HMCN2: variants seen among roughly 807,000 people sequenced by gnomAD.
The protein encoded by HMCN2 is hemicentin-2.
Under a neutral mutation model 377.5 loss-of-function variants are expected in HMCN2, and 325 were observed. The observed-to-expected ratio is 0.86, with a 90% CI of 0.79 to 0.94. HMCN2 has a LOEUF of 0.94. Ranked by LOEUF, HMCN2 falls within the 40% of genes least tolerant of loss-of-function variation. The pLI is 0.00. For synonymous variants in HMCN2, 2,007 were observed against 2,046.8 expected, an observed-to-expected ratio of 0.98 and a Z score of 0.53; for missense variants, 4,543 against 4,725.3, an observed-to-expected ratio of 0.96 and a Z score of 1.13.
intron 19 of HMCN2, among the ~76,000 whole-genome samples, chr9:130,324,510 A>C (rs1838024558): frequency 1.3e-5 from 2 of 152,120 alleles, no homozygotes; most frequent in African/African-American, 4.8e-5. Context: ...TTAGCACTGA[A>C]GACACGTCAT....
Position 130,391,031 on chromosome 9 carries a change from G to T in HMCN2, c.9578G>T (p.Arg3193Leu), listed in dbSNP as rs1301464973. 2 of 987,606 alleles carry T rather than the reference G, an allele frequency of 2.0e-6. No homozygotes were observed. Among genetic ancestry groups the T allele is most frequent in the Admixed American group, 6.1e-5 (1 of 16,270 alleles). 61.2% of individuals were successfully genotyped at this position (987,606 alleles called of 1,614,324 possible). The change falls in exon 63 of 98, where the codon CGC (arginine) becomes CTC (leucine). Residue 3193 changes from arginine to leucine, a missense_variant. Arg to Leu is a moderately radical substitution (Grantham distance 102, BLOSUM62 -2). Transcript: ENST00000683500. ...CGGGGGGGCCGCCTCCAGCTGAGCC[G>T]CCTGCAACCGGCCCAGGCGGGCACC... Reference protein sequence around the residue: ...VSRGGRLQLSRLQPAQAGTYT... With the variant: ...VSRGGRLQLSLLQPAQAGTYT...
intron 29 of HMCN2, among the ~76,000 whole-genome samples, chr9:130,350,067 C>T (rs1839619301): frequency 6.6e-6 from 1 of 151,188 alleles, no homozygotes; most frequent in Non-Finnish European, 1.5e-5. Context: ...CTACCAACAA[C>T]GGCTAATTTT....
chr9:130,407,788 C>A, intron 83 of HMCN2, 83 bp downstream of exon 83: 1 of 1,037,338 alleles, frequency 9.6e-7, no homozygotes, highest in South Asian at 1.9e-5. Context: ...AAGAACCCAG[C>A]CTCCTGTCCT....
rs1303015386 is a variant in HMCN2, at chr9:130,423,872, A to G, written c.13382-904A>G. 6.6e-6 allele frequency among the ~76,000 whole-genome samples: 1 copy of G among 152,238 alleles called. No homozygotes were observed. Among genetic ancestry groups the G allele is most frequent in the Non-Finnish European group, 1.5e-5 (1 of 68,046 alleles). The stretch of plus-strand genomic sequence containing the variant: ...AAGTTGGTTCACTTCAACTCAGCAA[A>G]TATATAATGACAGTCTGTGGAGTCC... On this transcript the variant is annotated intron_variant, in intron 87 of 97. Coordinates refer to ENST00000683500, the MANE Select transcript of HMCN2 (RefSeq NM_001291815.2). The surrounding 1 kb of genome is among the most constrained non-coding windows in gnomAD (Gnocchi z 5.5).
chr9:130,331,916 G>T (rs1838452004), intron 22 of HMCN2, among the ~76,000 whole-genome samples: 1 of 152,170 alleles, frequency 6.6e-6, no homozygotes, highest in African/African-American at 2.4e-5. Flanking sequence ...CGTTCTTCCA[G>T]GTTTTCTTCC....
In HMCN2 at chr9:130,386,452, A is replaced by G; in HGVS notation, c.9319A>G (p.Lys3107Glu). Residue 3107 changes from lysine (K) to glutamate (E), a missense_variant, in exon 61 of 98, where the codon AAA becomes GAA. This residue lies in a region of HMCN2 where 736 missense variants were observed against 773.2 expected (regional missense o/e 0.95). Coordinates refer to ENST00000683500, the MANE Select transcript of HMCN2 (RefSeq NM_001291815.2). The part of the protein sequence containing the change: ...LEIQEAQVSD[K>E]GLYSCKVSNV... ...GCTCTTCCTCTTTCAGGTATCGGAT[A>G]AAGGTTTATACAGCTGTAAAGTCAG... 2 of 1,303,400 alleles carry G rather than the reference A, an allele frequency of 1.5e-6. No individual in the cohort carries two copies. The highest frequency in any genetic ancestry group is 1.0e-6 in the Non-Finnish European group (1 of 988,618). 80.7% of individuals were successfully genotyped at this position (1,303,400 alleles called of 1,614,324 possible). A position where few individuals can be genotyped will look rare whatever the true frequency, so the allele number is the denominator to read the frequency against.
rs545969578 is a variant in HMCN2 at position 130,429,999 on chromosome 9, G to A, written c.14327-285G>A. On this transcript the variant is annotated intron_variant, in intron 94 of 97. Coordinates refer to ENST00000683500, the MANE Select transcript of HMCN2 (RefSeq NM_001291815.2). ...AGTGGGTGTATCTCAGAGAGGCTTA[G>A]GAGAGGGAATGGATCTAACTGGGGC... 8 of 598,782 alleles carry A rather than the reference G, an allele frequency of 1.3e-5. No homozygotes were observed. The South Asian group carries it at 1.5e-4, about 12-fold the overall frequency. 37.1% of individuals were successfully genotyped at this position (598,782 alleles called of 1,614,324 possible). A position where few individuals can be genotyped will look rare whatever the true frequency, so the allele number is the denominator to read the frequency against.
intron 85 of HMCN2, among the ~76,000 whole-genome samples, chr9:130,411,925 T>C (rs1261839391): frequency 1.3e-5 from 2 of 149,532 alleles, no homozygotes; most frequent in African/African-American, 4.9e-5. Context: ...CACTTACAAA[T>C]GGTTCAATGA....
chr9:130,412,525 T>A (rs1843474707), intron 85 of HMCN2, among the ~76,000 whole-genome samples: 1 of 151,804 alleles, frequency 6.6e-6, no homozygotes, highest in South Asian at 2.1e-4. Context: ...CTTTGCCTAA[T>A]CTAAGGTCGT....
rs1286519343 is a variant in HMCN2 at position 130,428,525 on chromosome 9, C to T, written c.14197+36C>T. 2.6e-6 allele frequency: 4 copies of T among 1,534,042 alleles called. No individual in the cohort carries two copies. In the East Asian group the frequency reaches 7.3e-5, roughly 28 times the overall value. ...CACAGCATGCGGCCTGTCCATACTC[C>T]TGGAAACCCAGAGGTTGCCAGGGAT... On this transcript the variant is annotated intron_variant, in intron 93 of 97. Transcript: ENST00000683500. This position sits in a 1 kb window ranked among gnomAD's most constrained non-coding sequence, Gnocchi z 5.0.
Position 130,348,031 on chromosome 9 carries a change from C to G in HMCN2, c.4025-514C>G, listed in dbSNP as rs1054412258. The stretch of plus-strand genomic sequence containing the variant: ...GCAGAGGAAAGGAACCCCTCCTTAA[C>G]ACGGGCAGTGTGGGTGGGCTGGGGA... On this transcript the variant is annotated intron_variant, in intron 26 of 97. Transcript: ENST00000683500. 6 of 985,272 alleles carry G rather than the reference C, an allele frequency of 6.1e-6. No homozygotes were observed. In the African/African-American group the frequency reaches 1.0e-4, roughly 17 times the overall value. The allele number at this position is 985,272 out of a possible 1,614,324, so 61.0% of individuals were successfully genotyped here.
chr9:130,385,435 G>A (rs1209943253), intron 59 of HMCN2, 125 bp from the exon 60 acceptor site: 2 of 519,436 alleles, frequency 3.9e-6, no homozygotes, highest in South Asian at 1.8e-5. Flanking sequence ...CTGGGTCTGC[G>A]CCAGCCCCCG....
Position 130,360,024 on chromosome 9 carries a change from C to T in HMCN2, c.5774-404C>T, listed in dbSNP as rs1044602965. 1.3e-5 allele frequency among the ~76,000 whole-genome samples: 2 copies of T among 152,090 alleles called. No individual in the cohort carries two copies. Among genetic ancestry groups the T allele is most frequent in the Non-Finnish European group, 2.9e-5 (2 of 67,984 alleles). ...TGGGCTGGTCCATGTTCTCTAATGCCCCCTAGGGGACGGGGTCTTCTGGTA... is the reference window on the plus strand; with the variant it reads ...TGGGCTGGTCCATGTTCTCTAATGCTCCCTAGGGGACGGGGTCTTCTGGTA... On this transcript the variant is annotated intron_variant, in intron 37 of 97. Transcript: ENST00000683500. The surrounding 1 kb of genome is among the most constrained non-coding windows in gnomAD (Gnocchi z 4.7).
At chr9:130,392,832 T>TA (rs1158336418) in intron 66 of HMCN2, among the ~76,000 whole-genome samples, 3 of 151,832 alleles carry the variant, frequency 2.0e-5, no homozygotes, top group Non-Finnish European at 4.4e-5. Context: ...CCGTCTCTAC[T>TA]AAAAATACAA....
chr9:130,378,504 G>T (rs1228428223), intron 53 of HMCN2, among the ~76,000 whole-genome samples: 1 of 43,584 alleles, frequency 2.3e-5, no homozygotes, highest in African/African-American at 5.7e-5. Context: ...GGGATGGGGA[G>T]GCTGGGAAAG....
intron 22 of HMCN2, among the ~76,000 whole-genome samples, chr9:130,335,810 C>T (rs2131455818): frequency 6.6e-6 from 1 of 152,306 alleles, no homozygotes; most frequent in South Asian, 2.1e-4. Flanking sequence ...TGCCATGCTG[C>T]TTCTTGGGGA....
Position 130,359,317 on chromosome 9 carries a change from A to C in HMCN2, c.5678-2A>C. ...GCTGGGTCTCTCCTTGTCTCCCCCT[A>C]GTGCCCCCCAACATCGAGCCAGGCC... On this transcript the variant is annotated splice_acceptor_variant, in intron 36 of 97. Transcript: ENST00000683500. LOFTEE classifies it high-confidence loss of function. 1 of 1,300,960 alleles carries C rather than the reference A, an allele frequency of 7.7e-7. No individual in the cohort carries two copies. Among genetic ancestry groups the C allele is most frequent in the South Asian group, 1.2e-5 (1 of 80,876 alleles). The allele number at this position is 1,300,960 out of a possible 1,614,324, so 80.6% of individuals were successfully genotyped here.
intron 4 of HMCN2, among the ~76,000 whole-genome samples, chr9:130,290,133 A>G (rs1451139821): frequency 6.6e-6 from 1 of 152,182 alleles, no homozygotes; most frequent in African/African-American, 2.4e-5. Context: ...TCTGGAAGCC[A>G]TTGCCTTCAC....
intron 8 of HMCN2, among the ~76,000 whole-genome samples, chr9:130,300,837 T>TACA (rs1554934136): frequency 2.0e-5 from 3 of 152,228 alleles, no homozygotes; most frequent in Admixed American, 2.0e-4. Context: ...GGTGGATCTT[T>TACA]GGCCTTTCAG....
Sources: allele counts gnomAD v4.1 joint callset (sites outside exome capture counted in the v4.1 genomes callset), GRCh38; gene constraint gnomAD v4.1.1; regional missense constraint gnomAD v4.1.1; non-coding constraint Gnocchi (gnomAD v3.1); transcripts MANE v1.5; gene names NCBI Gene and HGNC (gene_info 2026-07-23, HGNC 2026-07-21).